The following TAB2 variants were observed in gnomAD, a reference collection of about 807,000 sequenced individuals.
TAB2 encodes the protein TGF-beta-activated kinase 1 and MAP3K7-binding protein 2.
In TAB2, 3 loss-of-function variants were observed where a neutral mutation model predicts 65.0. The ratio of observed to expected loss-of-function variants is 0.05; its 90% CI spans 0.02 to 0.12. TAB2 has a LOEUF of 0.12. Among genes scored for constraint, TAB2 ranks in the 10% least tolerant of loss-of-function variants. The pLI, the probability that TAB2 is intolerant of heterozygous loss-of-function variation, is 1.00. For synonymous variants in TAB2, 298 were observed against 285.1 expected (o/e 1.05, Z -0.46); for missense variants, 623 against 840.3 (o/e 0.74, Z 3.20).
At chr6:149,331,743 T>A (rs1174945174) in intron 1 of TAB2, among the ~76,000 whole-genome samples, 1 of 152,174 alleles carries the variant, frequency 6.6e-6, no homozygotes, top group Non-Finnish European at 1.5e-5. Flanking sequence ...CATGAGTAGG[T>A]CTTCAATTTT....
chr6:149,243,722 T>C (rs1230317444), intron 1 of TAB2: 1 of 152,248 alleles, frequency 6.6e-6, no homozygotes, highest in African/African-American at 2.4e-5. Flanking sequence ...CCTACTTTTC[T>C]TAATAGTTTT....
At chr6:149,358,215 T>C (rs913599593) in intron 1 of TAB2, among the ~76,000 whole-genome samples, 4 of 152,230 alleles carry the variant, frequency 2.6e-5, no homozygotes, top group Non-Finnish European at 5.9e-5. Context: ...TTTGTGTATA[T>C]GTATAATATC....
intron 1 of TAB2, among the ~76,000 whole-genome samples, chr6:149,319,167 A>G (rs1779356026): frequency 1.3e-5 from 2 of 152,256 alleles, no homozygotes; most frequent in South Asian, 2.1e-4. Context: ...CCGCTTTAGC[A>G]TACTCTAAAG....
chr6:149,394,834 C>A (rs1583155819), intron 3 of TAB2, among the ~76,000 whole-genome samples: 1 of 152,194 alleles, frequency 6.6e-6, no homozygotes, highest in East Asian at 1.9e-4. Flanking sequence ...CAAGGCTCTA[C>A]GTGATCTGGT....
chr6:149,306,242 C>T (rs1779065272), intron 1 of TAB2, among the ~76,000 whole-genome samples: 1 of 151,924 alleles, frequency 6.6e-6, no homozygotes, highest in Non-Finnish European at 1.5e-5. Flanking sequence ...CCCATCTCTA[C>T]TAAAAATACA....
intron 1 of TAB2, chr6:149,257,495 T>C (rs1026209871): frequency 6.6e-6 from 1 of 152,078 alleles, no homozygotes; most frequent in Non-Finnish European, 1.5e-5. Context: ...AGACCCTCAG[T>C]GTATGGACCG....
intron 1 of TAB2, among the ~76,000 whole-genome samples, chr6:149,364,482 A>G (rs2114842415): frequency 6.6e-6 from 1 of 152,192 alleles, no homozygotes; most frequent in Admixed American, 6.5e-5. Flanking sequence ...CAGAAGACGC[A>G]GACAGAAGAT....
At chr6:149,376,624 C>T (rs9390676) in intron 2 of TAB2, among the ~76,000 whole-genome samples, 18,500 of 152,206 alleles carry the variant, frequency 0.12, 1,732 homozygotes, top group East Asian at 0.51. Flanking sequence ...TTAACTCAGT[C>T]CTTTCTTCGG....
intron 1 of TAB2, among the ~76,000 whole-genome samples, chr6:149,249,145 C>T (rs1258519653): frequency 1.0e-5 from 1 of 98,914 alleles, no homozygotes; most frequent in Non-Finnish European, 1.9e-5. Context: ...TACACACACA[C>T]ACACACATAC....
intron 1 of TAB2, among the ~76,000 whole-genome samples, chr6:149,369,130 A>G (rs1334298838): frequency 6.6e-6 from 1 of 152,146 alleles, no homozygotes; most frequent in Admixed American, 6.5e-5. Flanking sequence ...ATGTCTTAAT[A>G]TTTTATTTAG....
chr6:149,226,413 G>C (rs1456138996), intron 1 of TAB2, among the ~76,000 whole-genome samples: 1 of 152,138 alleles, frequency 6.6e-6, no homozygotes, highest in Admixed American at 6.5e-5. Flanking sequence ...CCATTAACTG[G>C]CATCCATAAT....
chr6:149,392,397 A>G (rs1030521900), intron 3 of TAB2, among the ~76,000 whole-genome samples: 1 of 152,124 alleles, frequency 6.6e-6, no homozygotes, highest in African/African-American at 2.4e-5. Flanking sequence ...CTGCCTTCAT[A>G]TCAGATTTTC....
At chr6:149,376,112 G>A (rs1386744268) in intron 2 of TAB2, among the ~76,000 whole-genome samples, 1 of 151,978 alleles carries the variant, frequency 6.6e-6, no homozygotes, top group Non-Finnish European at 1.5e-5. Context: ...TATTTGAATT[G>A]TTTCTCTCTT....
At chr6:149,320,472 C>T (rs1779406373) in intron 1 of TAB2, among the ~76,000 whole-genome samples, 1 of 152,086 alleles carries the variant, frequency 6.6e-6, no homozygotes, top group East Asian at 1.9e-4. Flanking sequence ...TGTGTCTTGG[C>T]AGAAATAGAA....
chr6:149,381,695 T>A (rs904821083), intron 3 of TAB2, among the ~76,000 whole-genome samples: 1 of 149,308 alleles, frequency 6.7e-6, no homozygotes, highest in Non-Finnish European at 1.5e-5. Context: ...CACTTTAGCC[T>A]CCCTAGTAGC....
At chr6:149,390,725 AAGAG>A (rs1190311048) in intron 3 of TAB2, among the ~76,000 whole-genome samples, 4 of 152,186 alleles carry the variant, frequency 2.6e-5, no homozygotes, top group Middle Eastern at 3.2e-3. Flanking sequence ...AACAACAACT[AAGAG>A]AGAGTTGCAT....
Position 149,281,466 on chromosome 6 carries a change from T to C in TAB2, c.-121+62690T>C, listed in dbSNP as rs564807869. ...ATTGCTGGGTGCAGTTGTGCATGCC[T>C]GTAATCCCAGCTGAAGAGGCTGAGG... On this transcript the variant is annotated intron_variant, in intron 1 of 1. Transcript: ENST00000606202. Among the ~76,000 whole-genome samples the C allele has an allele frequency of 1.1e-3, 164 of 142,938 alleles. 1 individual carries two copies. The highest frequency in any genetic ancestry group is 4.2e-3 in the African/African-American group (159 of 38,008). The allele number at this position is 142,938 out of a possible 152,430, so 93.8% of individuals were successfully genotyped here.
At chr6:149,325,195 G>A (rs988234050) in intron 1 of TAB2, among the ~76,000 whole-genome samples, 2 of 152,146 alleles carry the variant, frequency 1.3e-5, no homozygotes, top group East Asian at 3.8e-4. Flanking sequence ...GCTGACTATA[G>A]CTATGTGATT....
rs35409891 is a variant in TAB2, at chr6:149,265,192, C to CT, written c.-121+46432dup. 3.8e-3 allele frequency among the ~76,000 whole-genome samples: 537 copies of CT among 139,688 alleles called. 3 individuals carry two copies. Among genetic ancestry groups the CT allele is most frequent in the African/African-American group, 9.1e-3 (347 of 37,982 alleles). The allele number at this position is 139,688 out of a possible 152,430, so 91.6% of individuals were successfully genotyped here. A position where few individuals can be genotyped will look rare whatever the true frequency, so the allele number is the denominator to read the frequency against. On this transcript the variant is annotated intron_variant, in intron 1 of 1. Transcript: ENST00000606202. Reference sequence around the variant, plus strand: ...TTTTAAATGACAAGAGTTCAGAACCCTTTTTTTTTTTTTTTTAAAGCACAG... The same window carrying CT: ...TTTTAAATGACAAGAGTTCAGAACCCTTTTTTTTTTTTTTTTTAAAGCACAG...
Sources: gnomAD v4.1 joint callset for allele counts (sites outside exome capture counted in the v4.1 genomes callset) on GRCh38, gnomAD v4.1.1 for gene constraint, MANE v1.5 for transcripts, NCBI Gene and HGNC (gene_info 2026-07-23, HGNC 2026-07-21) for gene names.